Variants in ADGRG7 observed in about 807,000 individuals in gnomAD.
ADGRG7 encodes G-protein coupled receptor 128.
A neutral mutation model predicts 88.6 loss-of-function variants in ADGRG7; 82 were observed. The ratio of observed to expected loss-of-function variants is 0.93; its 90% CI spans 0.77 to 1.11. ADGRG7 has a LOEUF of 1.11. Among genes scored for constraint, ADGRG7 ranks in the 50% most tolerant of loss-of-function variants. The pLI is 0.00. For missense variants in ADGRG7, 945 were observed against 953.4 expected (o/e 0.99, Z 0.12); for synonymous variants, 381 against 345.2 (o/e 1.10, Z -1.15).
intron 15 of ADGRG7, among the ~76,000 whole-genome samples, chr3:100,687,642 T>C (rs1559693397): frequency 6.6e-6 from 1 of 152,198 alleles, no homozygotes; most frequent in Non-Finnish European, 1.5e-5. Flanking sequence ...AATCATGTGG[T>C]TTTTGTCTCT....
chr3:100,656,649 T>C (rs1341530363), intron 13 of ADGRG7, among the ~76,000 whole-genome samples: 1 of 152,218 alleles, frequency 6.6e-6, no homozygotes, highest in African/African-American at 2.4e-5. Flanking sequence ...TGGCAACTAC[T>C]CTTCAATTTA....
intron 15 of ADGRG7, among the ~76,000 whole-genome samples, chr3:100,681,342 A>G (rs1407238375): frequency 1.4e-5 from 2 of 146,148 alleles, no homozygotes; most frequent in Admixed American, 1.4e-4. Context: ...ACAGGGTCTC[A>G]CTCTGTCACC....
Position 100,629,622 on chromosome 3 carries a change from C to G in ADGRG7, c.140C>G (p.Thr47Ser). ...QRGKSTSSSS[T>S]PTEFCRNGGT... is the part of the protein sequence containing the mutation. ...GGAAAATCTACTTCCTCATCAAGCA[C>G]CCCTACAGAGTTCTGCAGGAATGGT... The change falls in exon 2 of 16, where the codon ACC (threonine) becomes AGC (serine). Residue 47 changes from threonine to serine, a missense_variant. Physicochemically the swap from Thr to Ser is moderately conservative, Grantham distance 58. Transcript: ENST00000273352. The G allele has an allele frequency of 6.2e-7, 1 of 1,612,512 alleles. No homozygotes were observed. The highest frequency in any genetic ancestry group is 2.2e-5 in the East Asian group (1 of 44,844).
intron 14 of ADGRG7, among the ~76,000 whole-genome samples, chr3:100,668,232 C>T (rs1188564160): frequency 6.6e-6 from 1 of 152,140 alleles, no homozygotes; most frequent in East Asian, 1.9e-4. Flanking sequence ...CCTATTTGGC[C>T]ATCTTGAATC....
intron 1 of ADGRG7, among the ~76,000 whole-genome samples, chr3:100,619,477 C>A (rs1305161470): frequency 6.6e-6 from 1 of 151,758 alleles, no homozygotes; most frequent in African/African-American, 2.4e-5. Context: ...AATTGACACC[C>A]TAACATCACA....
At chr3:100,666,900 C>A (rs900276578) in intron 14 of ADGRG7, among the ~76,000 whole-genome samples, 1 of 152,162 alleles carries the variant, frequency 6.6e-6, no homozygotes, top group African/African-American at 2.4e-5. Flanking sequence ...GCACATCTTG[C>A]GCAACCCTTA....
At chr3:100,679,913 C>A (rs570934361) in intron 15 of ADGRG7, among the ~76,000 whole-genome samples, 21 of 152,120 alleles carry the variant, frequency 1.4e-4, no homozygotes, top group African/African-American at 4.1e-4. Context: ...TATGGCCCAA[C>A]ATTTGGTCTA....
intron 14 of ADGRG7, among the ~76,000 whole-genome samples, chr3:100,667,021 G>A (rs574603865): frequency 0.01 from 1,540 of 152,138 alleles, 22 homozygotes; most frequent in African/African-American, 0.024. Flanking sequence ...TTAGTACAGA[G>A]CAAAATGGAG....
rs567337696 is a variant in ADGRG7, at chr3:100,646,440, A to G, written c.1111-129A>G. ...TCTCCTTTTTTCCCTCTCCTTAATC[A>G]TAATGAATATGCTGATGCTTAGTAT... On this transcript the variant is annotated intron_variant, in intron 9 of 15. Transcript: ENST00000273352. 7 of 732,584 alleles carry G rather than the reference A, an allele frequency of 9.6e-6. No individual in the cohort carries two copies. The South Asian group carries it at 1.3e-4, about 14-fold the overall frequency. The allele number at this position is 732,584 out of a possible 1,614,324, so 45.4% of individuals were successfully genotyped here.
chr3:100,629,538 C>A, intron 1 of ADGRG7, 60 bp from the exon 2 acceptor site: 1 of 1,163,912 alleles, frequency 8.6e-7, no homozygotes, highest in Non-Finnish European at 1.3e-6. Flanking sequence ...TGGCCACAGG[C>A]ATGAAAGGAG....
intron 1 of ADGRG7, among the ~76,000 whole-genome samples, chr3:100,616,087 C>A (rs1707221458): frequency 1.3e-5 from 2 of 152,236 alleles, no homozygotes; most frequent in Non-Finnish European, 2.9e-5. Flanking sequence ...ATTGAAATCT[C>A]CAAAAATAAT....
intron 15 of ADGRG7, among the ~76,000 whole-genome samples, chr3:100,675,857 T>G (rs1002735576): frequency 4.6e-5 from 7 of 152,130 alleles, no homozygotes; most frequent in African/African-American, 1.7e-4. Flanking sequence ...GTGTAGAAAT[T>G]TGTCCATTTC....
intron 1 of ADGRG7, among the ~76,000 whole-genome samples, chr3:100,625,924 G>A (rs1035551486): frequency 1.2e-4 from 18 of 152,122 alleles, no homozygotes; most frequent in East Asian, 1.9e-4. Context: ...TGCTGGATTC[G>A]GTTTTTGCAT....
chr3:100,622,264 A>AGT (rs1459238780), intron 1 of ADGRG7, among the ~76,000 whole-genome samples: 2 of 130,914 alleles, frequency 1.5e-5, no homozygotes, highest in East Asian at 4.5e-4. Context: ...CTCTATATTC[A>AGT]TTTTTTTTTT....
chr3:100,653,247 A>T (rs2094932241), intron 11 of ADGRG7, among the ~76,000 whole-genome samples: 1 of 152,236 alleles, frequency 6.6e-6, no homozygotes, highest in Non-Finnish European at 1.5e-5. Context: ...AAATATTTTT[A>T]CCTAATTTAA....
At chr3:100,646,522 A>G in intron 9 of ADGRG7, 47 bp from the exon 10 acceptor site, 8 of 1,509,130 alleles carry the variant, frequency 5.3e-6, no homozygotes, top group Non-Finnish European at 5.5e-6. Context: ...TTTTAACCCA[A>G]TTAAGTATTT....
chr3:100,693,964 T>C (rs2094998086), intron 15 of ADGRG7, among the ~76,000 whole-genome samples: 1 of 152,188 alleles, frequency 6.6e-6, no homozygotes, highest in African/African-American at 2.4e-5. Flanking sequence ...GTATATTGGA[T>C]AGAGGAGGGG....
Position 100,635,177 on chromosome 3 carries a change from A to C in ADGRG7, c.448-500A>C, listed in dbSNP as rs1334733400. Among the ~76,000 whole-genome samples, 4 of 151,852 alleles carry C rather than the reference A, an allele frequency of 2.6e-5. No individual in the cohort carries two copies. In the East Asian group the frequency reaches 5.8e-4, roughly 22 times the overall value. ...AGTGCCTTCCAAACTACCAGTGCTG[A>C]AAAGCCAGTTCAAAAAATTTTGAAC... On this transcript the variant is annotated intron_variant, in intron 4 of 15. Transcript: ENST00000273352.
intron 11 of ADGRG7, among the ~76,000 whole-genome samples, chr3:100,652,338 T>C (rs2094930946): frequency 6.6e-6 from 1 of 152,074 alleles, no homozygotes; most frequent in Non-Finnish European, 1.5e-5. Context: ...ACATAAAGAA[T>C]ACATAATGGG....
Sources: allele counts gnomAD v4.1 joint callset (sites outside exome capture counted in the v4.1 genomes callset), GRCh38; gene constraint gnomAD v4.1.1; transcripts MANE v1.5; gene names NCBI Gene and HGNC (gene_info 2026-07-23, HGNC 2026-07-21).